The following SLC44A5 variants were observed in gnomAD, a reference collection of about 807,000 sequenced individuals.
The protein encoded by SLC44A5 is choline transporter-like protein 5.
Under a neutral mutation model 101.8 loss-of-function variants are expected in SLC44A5, and 57 were observed. The ratio of observed to expected loss-of-function variants is 0.56; its 90% confidence interval spans 0.45 to 0.70. The LOEUF (loss-of-function observed/expected upper bound fraction) is 0.70, where lower values mean the gene tolerates loss of function less well. SLC44A5 is among the 30% of genes least tolerant of loss of function. SLC44A5 has a pLI of 0.00. For missense variants in SLC44A5, 737 were observed against 853.1 expected, an observed-to-expected ratio of 0.86 and a Z score of 1.70; for synonymous variants, 281 against 290.9, an observed-to-expected ratio of 0.97 and a Z score of 0.35.
the SLC44A5 span, among the ~76,000 whole-genome samples, chr1:75,658,222 T>C: frequency 2.6e-5 from 4 of 151,850 alleles, no homozygotes; most frequent in Non-Finnish European, 5.9e-5. Flanking sequence ...TACAAGCACA[T>C]GCCACTATAC....
the SLC44A5 span, among the ~76,000 whole-genome samples, chr1:75,677,009 T>C: frequency 3.3e-5 from 5 of 152,270 alleles, no homozygotes; most frequent in African/African-American, 9.6e-5. Flanking sequence ...AACATTATAT[T>C]CGGTGAACAT....
the SLC44A5 span, among the ~76,000 whole-genome samples, chr1:75,645,541 G>C: frequency 1.3e-5 from 2 of 151,700 alleles, no homozygotes; most frequent in African/African-American, 4.8e-5. Context: ...TTTGTCAGAT[G>C]AGTAGATTGC....
intron 1 of SLC44A5, among the ~76,000 whole-genome samples, chr1:75,546,087 G>A (rs1372410763): frequency 6.6e-6 from 1 of 151,984 alleles, no homozygotes; most frequent in Non-Finnish European, 1.5e-5. Context: ...TTCCCAAAGT[G>A]CTGGGGTTAC....
chr1:75,496,250 T>G (rs144327133), intron 2 of SLC44A5, among the ~76,000 whole-genome samples: 22 of 152,090 alleles, frequency 1.4e-4, no homozygotes, highest in African/African-American at 5.3e-4. Context: ...TAGTATAAAA[T>G]CAGACACACA....
chr1:75,688,905 T>A, the SLC44A5 span, among the ~76,000 whole-genome samples: 1 of 152,194 alleles, frequency 6.6e-6, no homozygotes, highest in South Asian at 2.1e-4. Flanking sequence ...TCAAGACTTA[T>A]GAGCCATTAA....
chr1:75,719,469 G>GA, the SLC44A5 span, among the ~76,000 whole-genome samples: 17 of 151,132 alleles, frequency 1.1e-4, no homozygotes, highest in African/African-American at 3.4e-4. Flanking sequence ...GAAAACTGGA[G>GA]AAAAAAAAAT....
intron 2 of SLC44A5, among the ~76,000 whole-genome samples, chr1:75,512,410 C>T (rs934276212): frequency 2.0e-5 from 3 of 152,194 alleles, no homozygotes; most frequent in Non-Finnish European, 4.4e-5. Context: ...TATGCCTTCA[C>T]CTCTGTAGAT....
intron 1 of SLC44A5, among the ~76,000 whole-genome samples, chr1:75,550,774 G>T (rs910432840): frequency 1.3e-5 from 2 of 152,014 alleles, no homozygotes; most frequent in African/African-American, 4.8e-5. Context: ...AAGACATCCA[G>T]AATTACTCAG....
chr1:75,213,266 T>A (rs1265534016), intron 22 of SLC44A5, among the ~76,000 whole-genome samples: 1 of 152,136 alleles, frequency 6.6e-6, no homozygotes, highest in Non-Finnish European at 1.5e-5. Flanking sequence ...GTAAGACCAA[T>A]AATTTTTGCT....
chr1:75,447,192 T>C (rs1292577606), intron 2 of SLC44A5, among the ~76,000 whole-genome samples: 1 of 152,170 alleles, frequency 6.6e-6, no homozygotes, highest in Non-Finnish European at 1.5e-5. Context: ...GAATTATCTA[T>C]GAATAAGTAT....
chr1:75,609,056 T>C (rs943131000), intron 1 of SLC44A5, among the ~76,000 whole-genome samples: 9 of 151,930 alleles, frequency 5.9e-5, no homozygotes, highest in African/African-American at 2.2e-4. Context: ...GCCCAGTACA[T>C]AGTAAGCGAT....
chr1:75,337,959 G>A (rs1657574162), intron 4 of SLC44A5, among the ~76,000 whole-genome samples: 1 of 152,186 alleles, frequency 6.6e-6, no homozygotes, highest in East Asian at 1.9e-4. Flanking sequence ...GCTGCTAAAG[G>A]CAATGTGGAG....
intron 5 of SLC44A5, among the ~76,000 whole-genome samples, chr1:75,279,304 C>G (rs1436035055): frequency 1.3e-5 from 2 of 152,014 alleles, no homozygotes; most frequent in African/African-American, 4.8e-5. Flanking sequence ...TTTCTAGATT[C>G]AAATATGTGA....
the SLC44A5 span, among the ~76,000 whole-genome samples, chr1:75,714,000 C>T: frequency 6.6e-6 from 1 of 151,746 alleles, no homozygotes; most frequent in Non-Finnish European, 1.5e-5. Context: ...TGGGATCTCA[C>T]TATGTTGTCC....
intron 2 of SLC44A5, among the ~76,000 whole-genome samples, chr1:75,480,594 T>C (rs1474290060): frequency 1.3e-5 from 2 of 152,084 alleles, no homozygotes; most frequent in Non-Finnish European, 2.9e-5. Context: ...TCACAAGCAT[T>C]CTTATACACC....
intron 2 of SLC44A5, among the ~76,000 whole-genome samples, chr1:75,519,425 G>A (rs1669999642): frequency 6.6e-6 from 1 of 152,106 alleles, no homozygotes; most frequent in African/African-American, 2.4e-5. Flanking sequence ...GGGCATGGCG[G>A]CACATGCCTG....
the SLC44A5 span, among the ~76,000 whole-genome samples, chr1:75,620,295 A>G: frequency 6.6e-6 from 1 of 152,112 alleles, no homozygotes; most frequent in African/African-American, 2.4e-5. Context: ...ATAAACATAC[A>G]TGTGCATGTG....
chr1:75,278,916 A>T (rs771715480), intron 5 of SLC44A5, among the ~76,000 whole-genome samples: 9 of 151,922 alleles, frequency 5.9e-5, no homozygotes, highest in Non-Finnish European at 1.2e-4. Context: ...ATTTTATTTT[A>T]TATTGTTATT....
chr1:75,388,201 TA>T (rs1221750844), intron 3 of SLC44A5, among the ~76,000 whole-genome samples: 2 of 88,170 alleles, frequency 2.3e-5, no homozygotes, highest in Non-Finnish European at 4.5e-5. Flanking sequence ...CCCTAAAACT[TA>T]AAGTGTAATA....
Sources: gnomAD v4.1 joint callset for allele counts (sites outside exome capture counted in the v4.1 genomes callset) on GRCh38, gnomAD v4.1.1 for gene constraint, MANE v1.5 for transcripts, NCBI Gene and HGNC (gene_info 2026-07-23, HGNC 2026-07-21) for gene names.